Variants in LIG3 observed in about 807,000 individuals in gnomAD.
The protein encoded by LIG3 is ligase II, DNA, ATP-dependent.
LIG3 carries 58 observed loss-of-function variants against 110.9 expected under a neutral mutation model. The observed-to-expected ratio is 0.52, with a 90% CI of 0.42 to 0.65. The LOEUF (loss-of-function observed/expected upper bound fraction) is 0.65. Ranked by LOEUF, LIG3 falls within the 30% of genes least tolerant of loss-of-function variation. The pLI, the probability that LIG3 is intolerant of heterozygous loss-of-function variation, is 0.00. For missense variants in LIG3, 1,094 were observed against 1,273.8 expected, an observed-to-expected ratio of 0.86 and a Z score of 2.15; for synonymous variants, 422 against 472.8, an observed-to-expected ratio of 0.89 and a Z score of 1.39.
intron 19 of LIG3, 28 bp downstream of exon 19, chr17:35,002,817 GT>G (rs766979232): frequency 6.3e-7 from 1 of 1,579,394 alleles, no homozygotes; most frequent in Admixed American, 1.7e-5. Context: ...AACACACCAC[GT>G]GGGCCAGTTT....
downstream of LIG3, chr17:35,010,789 A>G (rs529532644): frequency 6.6e-6 from 1 of 152,014 alleles, no homozygotes; most frequent in Non-Finnish European, 1.5e-5. Context: ...GCCCCCAAAA[A>G]TCAGTGGGCT....
chr17:34,991,185 C>CTTT, intron 5 of LIG3, 71 bp downstream of exon 5: 8 of 1,139,396 alleles, frequency 7.0e-6, no homozygotes, highest in East Asian at 3.0e-5. Flanking sequence ...CCTGCAGCCT[C>CTTT]TTTTTTTTTT....
rs577057569 is a variant in LIG3 at position 35,005,428 on chromosome 17, C to T, written c.*922C>T. Reference sequence around the variant, plus strand: ...CTCTGGTGGTGGTGTCTTACTTCCTCATGACTGGAGGAATAATTATATGAT... The same window carrying T: ...CTCTGGTGGTGGTGTCTTACTTCCTTATGACTGGAGGAATAATTATATGAT... On this transcript the variant is annotated 3_prime_UTR_variant, in exon 20 of 20. Coordinates refer to ENST00000378526, the MANE Select transcript of LIG3 (RefSeq NM_013975.4). 3.6e-5 allele frequency: 20 copies of T among 560,352 alleles called. 1 individual carries two copies. Among genetic ancestry groups the T allele is most frequent in the South Asian group, 1.9e-4 (14 of 72,732 alleles). The allele number at this position is 560,352 out of a possible 1,614,324, so 34.7% of individuals were successfully genotyped here.
chr17:34,993,427 C>T (rs2090746425), intron 8 of LIG3, among the ~76,000 whole-genome samples: 1 of 152,206 alleles, frequency 6.6e-6, no homozygotes, highest in Admixed American at 6.5e-5. Flanking sequence ...TAGCCAGCAT[C>T]AAAACAGTGA....
At chr17:34,990,782 G>T (rs2090711044) in intron 4 of LIG3, among the ~76,000 whole-genome samples, 181 bp from the exon 5 acceptor site, 1 of 152,152 alleles carries the variant, frequency 6.6e-6, no homozygotes, top group Admixed American at 6.6e-5. Flanking sequence ...ATTTTTTGTA[G>T]AGATGGGGTC....
chr17:34,999,686 G>GT, intron 15 of LIG3, 96 bp from the exon 16 acceptor site: 1 of 1,253,970 alleles, frequency 8.0e-7, no homozygotes, highest in Non-Finnish European at 1.2e-6. Flanking sequence ...AACATCAGCT[G>GT]TTTAAGTGGC....
Position 35,008,345 on chromosome 17 carries a change from A to G in LIG3, c.*3839A>G, listed in dbSNP as rs1427058218. 1 of 152,226 alleles carries G rather than the reference A, an allele frequency of 6.6e-6. No individual in the cohort carries two copies. Among genetic ancestry groups the G allele is most frequent in the East Asian group, 1.9e-4 (1 of 5,198 alleles). The allele number at this position is 152,226 out of a possible 1,614,324, so 9.4% of individuals were successfully genotyped here. On this transcript the variant is annotated 3_prime_UTR_variant, in exon 20 of 20. Transcript: ENST00000378526. ...AAGTTAGTTAGTTACAACAACACTG[A>G]GCATCTTGACCAAGGTCACTTGGCC...
intron 3 of LIG3, 127 bp downstream of exon 3, chr17:34,986,258 G>A: frequency 2.2e-6 from 2 of 918,712 alleles, no homozygotes; most frequent in South Asian, 1.6e-5. Context: ...TTCTGTCTGA[G>A]CAGAGACTGG....
intron 19 of LIG3, chr17:35,003,156 A>G (rs2090862689): frequency 6.5e-7 from 1 of 1,548,050 alleles, no homozygotes; most frequent in Non-Finnish European, 8.7e-7. Context: ...GGAATGCAGC[A>G]TTGAGTTTGT....
At chr17:34,996,249 C>T in intron 10 of LIG3, 54 bp downstream of exon 10, 1 of 1,581,322 alleles carries the variant, frequency 6.3e-7, no homozygotes. Flanking sequence ...TGAGTATGTA[C>T]ATGTGGGTGC....
chr17:34,996,991 G>A lies in LIG3; in HGVS notation c.1823+338G>A, dbSNP rs555616939. The A allele has an allele frequency of 1.1e-4, 25 of 223,326 alleles. No homozygotes were observed. The South Asian group carries it at 2.2e-3, about 20-fold the overall frequency. The allele number at this position is 223,326 out of a possible 1,614,324, so 13.8% of individuals were successfully genotyped here. A position where few individuals can be genotyped will look rare whatever the true frequency, so the allele number is the denominator to read the frequency against. On this transcript the variant is annotated intron_variant, in intron 11 of 19. Transcript: ENST00000378526. ...GCAGAGAAATAGACTGTGAGCATAT[G>A]GGGTTTCAGTTTATTTCTCCAATGG...
intron 9 of LIG3, among the ~76,000 whole-genome samples, chr17:34,995,557 C>T (rs981177921): frequency 6.6e-6 from 1 of 152,142 alleles, no homozygotes; most frequent in African/African-American, 2.4e-5. Context: ...TGTTCCTGCT[C>T]TAAGCATCCT....
chr17:34,985,921 T>C (rs768309344), intron 2 of LIG3, 67 bp from the exon 3 acceptor site: 55 of 1,535,184 alleles, frequency 3.6e-5, no homozygotes, highest in Non-Finnish European at 3.8e-5. Context: ...AGTTGATAGA[T>C]TCTTTGGATG....
chr17:34,987,038 T>C (rs553500402), intron 3 of LIG3, among the ~76,000 whole-genome samples: 1 of 152,366 alleles, frequency 6.6e-6, no homozygotes, highest in African/African-American at 2.4e-5. Context: ...GGGAGGACTG[T>C]GGCTATTATT....
intron 3 of LIG3, among the ~76,000 whole-genome samples, chr17:34,988,086 AG>A (rs1439610119): frequency 6.7e-6 from 1 of 149,534 alleles, no homozygotes; most frequent in Non-Finnish European, 1.5e-5. Context: ...CCAGCTACTC[AG>A]GAGGCTGAGG....
intron 3 of LIG3, among the ~76,000 whole-genome samples, chr17:34,988,376 G>A (rs2142245134): frequency 6.6e-6 from 1 of 152,170 alleles, no homozygotes; most frequent in South Asian, 2.1e-4. Context: ...CAACCTGGTT[G>A]AACATTGACA....
chr17:34,981,055 C>T (rs1051494039), intron 1 of LIG3: 3 of 152,382 alleles, frequency 2.0e-5, no homozygotes, highest in Admixed American at 2.0e-4. Flanking sequence ...CCCACTGTCC[C>T]CGCCACTCTC....
rs1488455812 is a variant in LIG3 at position 34,999,398 on chromosome 17, T to A, written c.2205T>A (p.Asp735Glu). 1 of 1,614,004 alleles carries A rather than the reference T, an allele frequency of 6.2e-7. No individual in the cohort carries two copies. The highest frequency in any genetic ancestry group is 8.5e-7 in the Non-Finnish European group (1 of 1,180,000). The change falls in exon 15 of 20, where the codon GAT becomes GAA. Residue 735 changes from aspartate (D) to glutamate (E), a missense_variant. Physicochemically the swap from Asp to Glu is conservative, Grantham distance 45. Transcript: ENST00000378526. ...TVTKCAGGHD[D>E]ATLARLQNEL... ...CCAAGTGTGCAGGAGGCCATGATGA[T>A]GCCACGCTTGCCCGCCTGCAGAATG...
At chr17:34,992,090 C>A in intron 7 of LIG3, 55 bp downstream of exon 7, 1 of 1,509,822 alleles carries the variant, frequency 6.6e-7, no homozygotes, top group South Asian at 1.1e-5. Context: ...TTTGTTTGTT[C>A]CCAACTGGTG....
Sources: gnomAD v4.1 joint callset for allele counts (sites outside exome capture counted in the v4.1 genomes callset) on GRCh38, gnomAD v4.1.1 for gene constraint, MANE v1.5 for transcripts, NCBI Gene and HGNC (gene_info 2026-07-23, HGNC 2026-07-21) for gene names.